Variants in DPH1 observed in about 807,000 individuals in gnomAD.
The protein encoded by DPH1 is diphthamide biosynthesis 1.
DPH1 carries 59 observed loss-of-function variants against 55.3 expected under a neutral mutation model. The ratio of observed to expected loss-of-function variants is 1.07; its 90% CI spans 0.87 to 1.33. The LOEUF (loss-of-function observed/expected upper bound fraction) is 1.33. Ranked by LOEUF, DPH1 falls within the 40% of genes most tolerant of loss-of-function variation. The pLI is 0.00. For synonymous variants in DPH1, 238 were observed against 235.5 expected (o/e 1.01, Z -0.10); for missense variants, 628 against 584.8 (o/e 1.07, Z -0.76).
Position 2,041,784 on chromosome 17 carries a change from C to G in DPH1, c.1244C>G (p.Ala415Gly), listed in dbSNP as rs767331162. Reference sequence around the variant, plus strand: ...CGACCTCAGGTGCAGGAGGGGTCCGCGCGTCCCCCTTCGGCCGTGGCTTGC... The same window carrying G: ...CGACCTCAGGTGCAGGAGGGGTCCGGGCGTCCCCCTTCGGCCGTGGCTTGC... ...PARGKVQEGSARPPSAVACED... is the reference protein window; with the variant it reads ...PARGKVQEGSGRPPSAVACED... Residue 415 changes from alanine (A) to glycine (G), a missense_variant, in exon 12 of 13, where the codon GCG becomes GGG. Coordinates refer to ENST00000263083, the MANE Select transcript of DPH1 (RefSeq NM_001383.6). 1 of 1,605,914 alleles carries G rather than the reference C, an allele frequency of 6.2e-7. No individual in the cohort carries two copies. Among genetic ancestry groups the G allele is most frequent in the Non-Finnish European group, 8.5e-7 (1 of 1,176,916 alleles).
At chr17:2,031,293 G>A (rs1231591544) in intron 1 of DPH1, among the ~76,000 whole-genome samples, 1 of 152,100 alleles carries the variant, frequency 6.6e-6, no homozygotes, top group Non-Finnish European at 1.5e-5. Flanking sequence ...GGGCACGGTG[G>A]CTTACACCTG....
chr17:2,038,638 T>C (rs1345507866), intron 6 of DPH1, among the ~76,000 whole-genome samples: 2 of 152,202 alleles, frequency 1.3e-5, no homozygotes, highest in African/African-American at 4.8e-5. Flanking sequence ...GAGATCCTAA[T>C]GCCTGATGAT....
intron 11 of DPH1, 43 bp downstream of exon 11, chr17:2,041,664 C>T: frequency 1.9e-6 from 3 of 1,584,004 alleles, no homozygotes; most frequent in Middle Eastern, 1.7e-4. Flanking sequence ...CGCGCCTGGG[C>T]ACTGGCCGCC....
intron 8 of DPH1, 30 bp from the exon 9 acceptor site, chr17:2,040,475 G>A (rs961451063): frequency 6.2e-7 from 1 of 1,614,000 alleles, no homozygotes; most frequent in Non-Finnish European, 8.5e-7. Context: ...TTGACCAGGT[G>A]ACCCCCACCC....
chr17:2,042,158 C>G (rs761179166), intron 12 of DPH1: 1 of 1,497,802 alleles, frequency 6.7e-7, no homozygotes, highest in Non-Finnish European at 8.8e-7. Flanking sequence ...GGGGTCGCGC[C>G]GAGCTCGTGT....
chr17:2,033,514 C>G lies in DPH1; in HGVS notation c.71C>G (p.Pro24Arg), dbSNP rs757712058. 5 of 1,613,974 alleles carry G rather than the reference C, an allele frequency of 3.1e-6. No homozygotes were observed. The highest frequency in any genetic ancestry group is 4.2e-6 in the Non-Finnish European group (5 of 1,180,050). Residue 24 changes from proline to arginine, a missense_variant, in exon 2 of 13, where the codon CCT (proline) becomes CGT (arginine). By Grantham distance (103) the Pro-to-Arg change is moderately radical. Transcript: ENST00000263083. ...CTTATATCCATTCTAGGTCGGGCCC[C>G]TCGGGGCCGCGTGGCCAATCAGATC... ...GRDGPGRGRAPRGRVANQIPP... is the reference protein window; with the variant it reads ...GRDGPGRGRARRGRVANQIPP...
chr17:2,036,045 G>C lies in DPH1; in HGVS notation c.354G>C (p.Arg118Ser). The C allele has an allele frequency of 1.9e-6, 3 of 1,614,008 alleles. No individual in the cohort carries two copies. Among genetic ancestry groups the C allele is most frequent in the Non-Finnish European group, 2.5e-6 (3 of 1,179,938 alleles). ...GACCVDDFTARALGADFLVHY... is the reference protein window; with the variant it reads ...GACCVDDFTASALGADFLVHY... Reference sequence around the variant, plus strand: ...GCTGTGTGGATGACTTCACAGCGAGGGCCCTGGGAGCTGACTTCTTGGTGC... The same window carrying C: ...GCTGTGTGGATGACTTCACAGCGAGCGCCCTGGGAGCTGACTTCTTGGTGC... Residue 118 changes from arginine to serine, a missense_variant, in exon 4 of 13, where the codon AGG (arginine) becomes AGC (serine). By Grantham distance (110) the Arg-to-Ser change is moderately radical. Coordinates refer to ENST00000263083, the MANE Select transcript of DPH1 (RefSeq NM_001383.6). The surrounding 1 kb of genome is among the most constrained non-coding windows in gnomAD (Gnocchi z 4.8).
chr17:2,031,839 A>G (rs918402117), intron 1 of DPH1, among the ~76,000 whole-genome samples: 2 of 152,164 alleles, frequency 1.3e-5, no homozygotes, highest in African/African-American at 4.8e-5. Flanking sequence ...GCTAAGGGCT[A>G]CGGTTTCCCC....
Position 2,042,598 on chromosome 17 carries a change from G to A in DPH1, c.*19-7G>A. On this transcript the variant is annotated splice_polypyrimidine_tract_variant and splice_region_variant and intron_variant, in intron 12 of 12. Transcript: ENST00000263083. ...TAATCCCATCCTTTTTCCTCATATC[G>A]CTGTAGGGTCCTGCCCTCCGGAGGA... 3 of 1,509,376 alleles carry A rather than the reference G, an allele frequency of 2.0e-6. No individual in the cohort carries two copies. Among genetic ancestry groups the A allele is most frequent in the Non-Finnish European group, 2.7e-6 (3 of 1,130,988 alleles). The allele number at this position is 1,509,376 out of a possible 1,614,324, so 93.5% of individuals were successfully genotyped here. A position where few individuals can be genotyped will look rare whatever the true frequency, so the allele number is the denominator to read the frequency against.
At position 2,043,473 on chromosome 17, in the gene DPH1, G is replaced by A; in HGVS notation, c.*887G>A. Reference sequence around the variant, plus strand: ...ACACACAGAAAAACATTTTATAATGGAAGTCGGTTTCTTGGCCATCTACAT... The same window carrying A: ...ACACACAGAAAAACATTTTATAATGAAAGTCGGTTTCTTGGCCATCTACAT... On this transcript the variant is annotated 3_prime_UTR_variant, in exon 13 of 13. Transcript: ENST00000263083. The A allele has an allele frequency of 4.9e-6, 1 of 205,354 alleles. No homozygotes were observed. Among genetic ancestry groups the A allele is most frequent in the South Asian group, 9.9e-5 (1 of 10,132 alleles). The allele number at this position is 205,354 out of a possible 1,614,324, so 12.7% of individuals were successfully genotyped here.
chr17:2,040,511 G>C lies in DPH1; in HGVS notation c.913G>C (p.Glu305Gln). 6.2e-7 allele frequency: 1 copy of C among 1,614,190 alleles called. No individual in the cohort carries two copies. Among genetic ancestry groups the C allele is most frequent in the Non-Finnish European group, 8.5e-7 (1 of 1,180,044 alleles). ...QGSPKILEHL[E>Q]SRLRALGLSF... is the part of the protein sequence containing the mutation. Reference sequence around the variant, plus strand: ...TGCCTCCCTCTCCCAACAGCACCTGGAATCTCGACTCCGAGCCTTGGGCCT... The same window carrying C: ...TGCCTCCCTCTCCCAACAGCACCTGCAATCTCGACTCCGAGCCTTGGGCCT... Residue 305 changes from glutamate to glutamine, a missense_variant, in exon 9 of 13, where the codon GAA (glutamate) becomes CAA (glutamine). Coordinates refer to ENST00000263083, the MANE Select transcript of DPH1 (RefSeq NM_001383.6).
chr17:2,032,576 A>G (rs1401736688), intron 1 of DPH1, among the ~76,000 whole-genome samples: 3 of 152,116 alleles, frequency 2.0e-5, no homozygotes, highest in African/African-American at 7.2e-5. Context: ...CTTGTTACCA[A>G]ACTCAACTTG....
chr17:2,041,371 T>C, intron 10 of DPH1, 110 bp from the exon 11 acceptor site: 1 of 1,496,140 alleles, frequency 6.7e-7, no homozygotes, highest in South Asian at 1.3e-5. Context: ...AGTTCCCTTC[T>C]GTGGCAGGGG....
intron 12 of DPH1, chr17:2,042,349 A>G (rs959153416): frequency 5.4e-5 from 73 of 1,345,876 alleles, no homozygotes; most frequent in Middle Eastern, 2.0e-4. Flanking sequence ...CCCAGTCCAC[A>G]CCCTTCATTT....
Position 2,042,705 on chromosome 17 carries a change from G to A in DPH1, c.*119G>A. 1.3e-6 allele frequency: 2 copies of A among 1,552,286 alleles called. No homozygotes were observed. The highest frequency in any genetic ancestry group is 1.7e-6 in the Non-Finnish European group (2 of 1,152,502). Reference sequence around the variant, plus strand: ...AAGAGCCCGCCGTCTGCAGGGGCCTGGAGGAATCACTGGGGATGGTGGCAC... The same window carrying A: ...AAGAGCCCGCCGTCTGCAGGGGCCTAGAGGAATCACTGGGGATGGTGGCAC... On this transcript the variant is annotated 3_prime_UTR_variant, in exon 13 of 13. Coordinates refer to ENST00000263083, the MANE Select transcript of DPH1 (RefSeq NM_001383.6).
intron 9 of DPH1, chr17:2,040,829 G>T: frequency 1.6e-6 from 1 of 630,638 alleles, no homozygotes; most frequent in Non-Finnish European, 2.8e-6. Context: ...GAGTTTGAGC[G>T]GTGGCTGACA....
At chr17:2,032,487 T>C (rs1010522989) in intron 1 of DPH1, among the ~76,000 whole-genome samples, 1 of 152,212 alleles carries the variant, frequency 6.6e-6, no homozygotes, top group African/African-American at 2.4e-5. Flanking sequence ...ATGAATTCAG[T>C]GAGAACGAAA....
chr17:2,040,030 C>T (rs778745658), intron 7 of DPH1, among the ~76,000 whole-genome samples, 188 bp from the exon 8 acceptor site: 2 of 152,228 alleles, frequency 1.3e-5, no homozygotes, highest in South Asian at 2.1e-4. Flanking sequence ...ATCTTAAAGC[C>T]GCCCACTCTT....
chr17:2,042,174 A>G, intron 12 of DPH1: 2 of 1,459,436 alleles, frequency 1.4e-6, no homozygotes, highest in Admixed American at 2.6e-5. Flanking sequence ...CGTGTGCCTC[A>G]GCGGCCCGCA....
Sources: gnomAD v4.1 joint callset for allele counts (sites outside exome capture counted in the v4.1 genomes callset) on GRCh38, gnomAD v4.1.1 for gene constraint, Gnocchi (gnomAD v3.1) non-coding constraint, MANE v1.5 for transcripts, NCBI Gene and HGNC (gene_info 2026-07-23, HGNC 2026-07-21) for gene names.